Variants in LNX2 observed in about 807,000 individuals in gnomAD.
The protein encoded by LNX2 is ligand of Numb protein X 2.
A neutral mutation model predicts 66.2 loss-of-function variants in LNX2; 35 were observed. That is an observed-to-expected ratio of 0.53 (90% confidence interval 0.40 to 0.70). The LOEUF (loss-of-function observed/expected upper bound fraction) is 0.70, where lower values mean the gene tolerates loss of function less well. Among genes scored for constraint, LNX2 ranks in the 30% least tolerant of loss-of-function variants. The pLI is 0.00. For missense variants in LNX2, 791 were observed against 850.8 expected (o/e 0.93, Z 0.87); for synonymous variants, 337 against 315.6 (o/e 1.07, Z -0.72).
chr13:27,583,213 T>TGCGCGCGC lies in LNX2; in HGVS notation c.-100-1411_-100-1410insGCGCGCGC, dbSNP rs1212996912. Among the ~76,000 whole-genome samples, 183 of 23,234 alleles carry TGCGCGCGC rather than the reference T, an allele frequency of 7.9e-3. 32 individuals carry two copies. Among genetic ancestry groups the TGCGCGCGC allele is most frequent in the African/African-American group, 0.031 (131 of 4,164 alleles). The allele number at this position is 23,234 out of a possible 152,430, so 15.2% of individuals were successfully genotyped here. A position where few individuals can be genotyped will look rare whatever the true frequency, so the allele number is the denominator to read the frequency against. ...GTGTGTGTGTGTGTGTGTGTGTGTGTGTGTGTGTGTGTGTGTGTGTGTGTG... is the reference window on the plus strand; with the variant it reads ...GTGTGTGTGTGTGTGTGTGTGTGTGTGCGCGCGCGTGTGTGTGTGTGTGTGTGTGTGTG... On this transcript the variant is annotated intron_variant, in intron 1 of 9. Transcript: ENST00000316334.
chr13:27,569,331 T>C, intron 2 of LNX2, 55 bp from the exon 3 acceptor site: 1 of 1,564,362 alleles, frequency 6.4e-7, no homozygotes, highest in East Asian at 2.3e-5. Flanking sequence ...AACAAACAAA[T>C]AAAATAGGGA....
chr13:27,610,995 C>A lies in LNX2; in HGVS notation c.-101+9380G>T, dbSNP rs528849280. On this transcript the variant is annotated intron_variant, in intron 1 of 9. Coordinates refer to ENST00000316334, the MANE Select transcript of LNX2 (RefSeq NM_153371.4). The stretch of plus-strand genomic sequence containing the variant: ...ATAGAGCATGTAGAGAAACTGGAAT[C>A]CTTCTGCACTGACAGTGAGATTGTA... Among the ~76,000 whole-genome samples the A allele has an allele frequency of 5.9e-5, 9 of 152,294 alleles. No homozygotes were observed. In the East Asian group the frequency reaches 1.7e-3, roughly 29 times the overall value.
intron 2 of LNX2, among the ~76,000 whole-genome samples, chr13:27,575,436 GA>G (rs1955331951): frequency 6.6e-6 from 1 of 152,176 alleles, no homozygotes; most frequent in African/African-American, 2.4e-5. Context: ...GTATAAAGTA[GA>G]TTGCCCTCCC....
At chr13:27,559,336 C>T (rs927373446) in intron 6 of LNX2, among the ~76,000 whole-genome samples, 20 of 139,184 alleles carry the variant, frequency 1.4e-4, no homozygotes, top group African/African-American at 4.7e-4. Context: ...TATATATGTA[C>T]CTATCAAATA....
chr13:27,575,204 A>ACAC (rs1955329423), intron 2 of LNX2, among the ~76,000 whole-genome samples: 1 of 152,218 alleles, frequency 6.6e-6, no homozygotes, highest in African/African-American at 2.4e-5. Flanking sequence ...AAAACATATA[A>ACAC]AGCAATAATT....
intron 7 of LNX2, among the ~76,000 whole-genome samples, chr13:27,554,528 A>T (rs1955037426): frequency 6.6e-6 from 1 of 152,086 alleles, no homozygotes; most frequent in South Asian, 2.1e-4. Flanking sequence ...CTTGCATAAT[A>T]TTTTCAGGGT....
chr13:27,619,175 C>CCTA (rs557681546), intron 1 of LNX2, among the ~76,000 whole-genome samples: 1 of 151,186 alleles, frequency 6.6e-6, no homozygotes, highest in Non-Finnish European at 1.5e-5. Flanking sequence ...TCTCATTTGG[C>CCTA]CTACTTTTAC....
chr13:27,603,308 A>G (rs1050082761), intron 1 of LNX2, among the ~76,000 whole-genome samples: 4 of 152,182 alleles, frequency 2.6e-5, no homozygotes, highest in Non-Finnish European at 5.9e-5. Context: ...CTTTTCTAAC[A>G]TAACTCCATC....
At chr13:27,554,888 T>C (rs1955040061) in intron 7 of LNX2, among the ~76,000 whole-genome samples, 1 of 152,158 alleles carries the variant, frequency 6.6e-6, no homozygotes, top group Non-Finnish European at 1.5e-5. Flanking sequence ...TCCTTGCCAG[T>C]GTTTGTTATT....
chr13:27,589,890 G>A (rs1312294084), intron 1 of LNX2, among the ~76,000 whole-genome samples: 2 of 152,208 alleles, frequency 1.3e-5, no homozygotes, highest in Non-Finnish European at 2.9e-5. Flanking sequence ...GACTTCTCCA[G>A]CACCTCCAAC....
At chr13:27,616,509 C>T (rs1955828865) in intron 1 of LNX2, among the ~76,000 whole-genome samples, 1 of 152,168 alleles carries the variant, frequency 6.6e-6, no homozygotes, top group Non-Finnish European at 1.5e-5. Flanking sequence ...TAAAAGACCC[C>T]TGGATGAGGA....
intron 1 of LNX2, among the ~76,000 whole-genome samples, chr13:27,616,579 A>G (rs1419410060): frequency 6.6e-6 from 1 of 152,158 alleles, no homozygotes; most frequent in African/African-American, 2.4e-5. Context: ...TTTGGTTTAC[A>G]ATACATTAAT....
intron 1 of LNX2, among the ~76,000 whole-genome samples, chr13:27,604,105 C>T (rs1332187813): frequency 6.6e-6 from 1 of 152,060 alleles, no homozygotes; most frequent in Non-Finnish European, 1.5e-5. Flanking sequence ...ATACAAAAAA[C>T]TAACCGGGCG....
intron 9 of LNX2, among the ~76,000 whole-genome samples, chr13:27,548,753 G>A (rs1300340548): frequency 6.6e-6 from 1 of 152,078 alleles, no homozygotes; most frequent in Non-Finnish European, 1.5e-5. Flanking sequence ...GAGTAAATAT[G>A]CTCTCTCTTT....
chr13:27,560,565 G>GTATATGTATATA (rs1555267010), intron 5 of LNX2, among the ~76,000 whole-genome samples: 1 of 119,970 alleles, frequency 8.3e-6, no homozygotes, highest in Non-Finnish European at 1.7e-5. Flanking sequence ...ATGTATGTGT[G>GTATATGTATATA]TATATATATA....
At chr13:27,564,842 A>G (rs529939240) in intron 4 of LNX2, among the ~76,000 whole-genome samples, 9 of 152,332 alleles carry the variant, frequency 5.9e-5, no homozygotes, top group East Asian at 5.8e-4. Flanking sequence ...AAAAATACCA[A>G]TAGGCCTCTT....
At chr13:27,567,202 C>G (rs1955217159) in intron 4 of LNX2, among the ~76,000 whole-genome samples, 1 of 152,062 alleles carries the variant, frequency 6.6e-6, no homozygotes, top group Non-Finnish European at 1.5e-5. Context: ...ATGGTTCCTT[C>G]TTTTCTAGAT....
rs141196906 is a variant in LNX2 at position 27,605,820 on chromosome 13, T to G, written c.-101+14555A>C. 2.6e-5 allele frequency among the ~76,000 whole-genome samples: 4 copies of G among 152,320 alleles called. No homozygotes were observed. The East Asian group carries it at 7.7e-4, about 29-fold the overall frequency. On this transcript the variant is annotated intron_variant, in intron 1 of 9. Coordinates refer to ENST00000316334, the MANE Select transcript of LNX2 (RefSeq NM_153371.4). ...TTGGCAGTTGCACAATTCTGTCCACTTATATTTCACCACAGAAAGAAAAGC... is the reference window on the plus strand; with the variant it reads ...TTGGCAGTTGCACAATTCTGTCCACGTATATTTCACCACAGAAAGAAAAGC...
At chr13:27,611,470 T>C (rs1955772250) in intron 1 of LNX2, among the ~76,000 whole-genome samples, 1 of 152,236 alleles carries the variant, frequency 6.6e-6, no homozygotes, top group Non-Finnish European at 1.5e-5. Flanking sequence ...AGTTGTTTAA[T>C]GGGTACAGAG....
Sources: gnomAD v4.1 joint callset for allele counts (sites outside exome capture counted in the v4.1 genomes callset) on GRCh38, gnomAD v4.1.1 for gene constraint, MANE v1.5 for transcripts, NCBI Gene and HGNC (gene_info 2026-07-23, HGNC 2026-07-21) for gene names.